ZEB1: variants seen among roughly 807,000 people sequenced by gnomAD.
ZEB1 encodes zinc finger E-box binding homeobox 1, also known as zinc finger E-box-binding homeobox 1.
Under a neutral mutation model 84.9 loss-of-function variants are expected in ZEB1, and 21 were observed. The observed-to-expected ratio is 0.25, with a 90% CI of 0.18 to 0.36. ZEB1 has a LOEUF of 0.36. Ranked by LOEUF, ZEB1 falls within the 10% of genes least tolerant of loss-of-function variation. The probability of loss-of-function intolerance (pLI) is 1.00; values close to 1 mark genes in which losing one functional copy is unlikely to be tolerated. For synonymous variants in ZEB1, 420 were observed against 471.1 expected (o/e 0.89, Z 1.41); for missense variants, 1,104 against 1,330.2 (o/e 0.83, Z 2.65).
intron 1 of ZEB1, among the ~76,000 whole-genome samples, chr10:31,423,160 A>T (rs907414877): frequency 1.3e-5 from 2 of 152,122 alleles, no homozygotes; most frequent in African/African-American, 4.8e-5. Flanking sequence ...GAAGTGCTTC[A>T]TATGGATACA....
Position 31,319,259 on chromosome 10 carries a change from C to T in ZEB1, c.25C>T (p.Arg9Cys). Residue 9 changes from arginine to cysteine, a missense_variant, in exon 1 of 9, where the codon CGC becomes TGC. Coordinates refer to ENST00000424869, the MANE Select transcript of ZEB1 (RefSeq NM_001174096.2). Reference sequence around the variant, plus strand: ...CATGGCGGATGGCCCCAGGTGTAAGCGCAGAAAGCAGGCGAACCCGCGGCG... The same window carrying T: ...CATGGCGGATGGCCCCAGGTGTAAGTGCAGAAAGCAGGCGAACCCGCGGCG... MADGPRCK[R>C]RKQANPRRNN... The T allele has an allele frequency of 6.2e-7, 1 of 1,610,116 alleles. No homozygotes were observed.
intron 1 of ZEB1, among the ~76,000 whole-genome samples, chr10:31,334,373 CAT>C (rs1211283980): frequency 6.6e-6 from 1 of 152,030 alleles, no homozygotes; most frequent in African/African-American, 2.4e-5. Flanking sequence ...TGGAAATTAA[CAT>C]GTTTATTTCA....
chr10:31,521,971 A>C, intron 7 of ZEB1, 35 bp downstream of exon 7: 1 of 1,613,718 alleles, frequency 6.2e-7, no homozygotes, highest in Non-Finnish European at 8.5e-7. Context: ...CCTGGCTAGT[A>C]ATATGCTATT....
At chr10:31,418,704 G>A (rs1181637321) in intron 1 of ZEB1, among the ~76,000 whole-genome samples, 1 of 151,992 alleles carries the variant, frequency 6.6e-6, no homozygotes, top group Non-Finnish European at 1.5e-5. Context: ...ACTAACTGGG[G>A]CTTTGTGTTC....
At chr10:31,515,198 A>G (rs537534032) in intron 6 of ZEB1, among the ~76,000 whole-genome samples, 8 of 152,186 alleles carry the variant, frequency 5.3e-5, no homozygotes, top group African/African-American at 1.9e-4. Flanking sequence ...GAGAATCTGA[A>G]AGAAAAATGT....
intron 1 of ZEB1, among the ~76,000 whole-genome samples, chr10:31,410,049 A>G (rs1179147059): frequency 6.6e-6 from 1 of 152,102 alleles, no homozygotes; most frequent in Non-Finnish European, 1.5e-5. Flanking sequence ...TACTATGTTG[A>G]ATAGGAGTGG....
intron 1 of ZEB1, among the ~76,000 whole-genome samples, chr10:31,320,940 A>G (rs2132902464): frequency 6.6e-6 from 1 of 152,324 alleles, no homozygotes; most frequent in African/African-American, 2.4e-5. Context: ...CCCAGGCTAT[A>G]TAAGGAATTA....
At chr10:31,335,935 TTGCTG>T (rs2037930667) in intron 1 of ZEB1, among the ~76,000 whole-genome samples, 2 of 152,338 alleles carry the variant, frequency 1.3e-5, no homozygotes, top group Admixed American at 6.5e-5. Context: ...TTCAGACTTT[TTGCTG>T]GCATAGAAAT....
chr10:31,336,375 CTATT>C (rs1486264939), intron 1 of ZEB1, among the ~76,000 whole-genome samples: 1 of 151,968 alleles, frequency 6.6e-6, no homozygotes, highest in Non-Finnish European at 1.5e-5. Context: ...CTGCCTCACA[CTATT>C]TAGAGAAACC....
chr10:31,431,083 T>G (rs1333074490), intron 1 of ZEB1, among the ~76,000 whole-genome samples: 16 of 152,182 alleles, frequency 1.1e-4, no homozygotes, highest in Admixed American at 1.0e-3. Flanking sequence ...AAGGAAAAAT[T>G]TTCTTCTGTT....
intron 1 of ZEB1, among the ~76,000 whole-genome samples, chr10:31,448,641 C>T (rs1453727013): frequency 5.3e-5 from 8 of 151,900 alleles, no homozygotes; most frequent in African/African-American, 4.8e-5. Flanking sequence ...AGACAGGACC[C>T]TCAGCTGCAG....
At chr10:31,357,214 A>T (rs2042259263) in intron 1 of ZEB1, among the ~76,000 whole-genome samples, 1 of 152,214 alleles carries the variant, frequency 6.6e-6, no homozygotes, top group Non-Finnish European at 1.5e-5. Flanking sequence ...TCAAAAAGAA[A>T]TTCACTGTCC....
chr10:31,395,630 CACAGGGGGAACCCTGA>C (rs1277434128), intron 1 of ZEB1, among the ~76,000 whole-genome samples: 1 of 152,124 alleles, frequency 6.6e-6, no homozygotes, highest in Non-Finnish European at 1.5e-5. Context: ...GGCAGGGTGC[CACAGGGGGAACCCTGA>C]ACATCAGAGA....
At chr10:31,322,309 GA>G (rs2034307398) in intron 1 of ZEB1, among the ~76,000 whole-genome samples, 1 of 152,202 alleles carries the variant, frequency 6.6e-6, no homozygotes, top group Non-Finnish European at 1.5e-5. Context: ...GTTTATTGGA[GA>G]AAATTGCCTG....
In ZEB1 at chr10:31,520,890, G is replaced by A. The variant is rs1230655535; in HGVS notation, c.1558G>A (p.Asp520Asn). The change falls in exon 7 of 9, where the codon GAC becomes AAC. Residue 520 changes from aspartate to asparagine, a missense_variant. Physicochemically the swap from Asp to Asn is conservative, Grantham distance 23. Around this residue, in one of 7 missense-constraint regions of ZEB1, gnomAD observed 531 missense variants for 575.2 expected, o/e 0.92. Transcript: ENST00000424869. This position sits in a 1 kb window ranked among gnomAD's most constrained non-coding sequence, Gnocchi z 5.1. ...AGATCTTACTGTTAAGTCTGAGAAG[G>A]ACAAAAGCTTTGAAGGGGGGGTGAA... ...PEDLTVKSEK[D>N]KSFEGGVNDS... The A allele has an allele frequency of 1.9e-6, 3 of 1,613,998 alleles. No individual in the cohort carries two copies. The highest frequency in any genetic ancestry group is 2.5e-6 in the Non-Finnish European group (3 of 1,180,012).
intron 1 of ZEB1, among the ~76,000 whole-genome samples, chr10:31,433,983 A>C (rs146488157): frequency 2.6e-5 from 4 of 152,354 alleles, no homozygotes; most frequent in Non-Finnish European, 5.9e-5. Context: ...AAGTTAAAGA[A>C]GACTCCATGA....
intron 4 of ZEB1, among the ~76,000 whole-genome samples, chr10:31,505,495 T>G (rs2068826269): frequency 6.6e-6 from 1 of 152,100 alleles, no homozygotes; most frequent in African/African-American, 2.4e-5. Context: ...TCTTTCTAAT[T>G]TAATCTTGGT....
At chr10:31,514,180 T>A (rs2139608761) in intron 5 of ZEB1, among the ~76,000 whole-genome samples, 1 of 152,266 alleles carries the variant, frequency 6.6e-6, no homozygotes, top group East Asian at 1.9e-4. Context: ...TTCTGTTGAG[T>A]GAGCTTTAGA....
intron 2 of ZEB1, among the ~76,000 whole-genome samples, chr10:31,477,349 A>G (rs1175088280): frequency 6.6e-6 from 1 of 151,982 alleles, no homozygotes; most frequent in African/African-American, 2.4e-5. Flanking sequence ...AAGAGGTGAA[A>G]GTTCTCTACA....
Sources: allele counts gnomAD v4.1 joint callset (sites outside exome capture counted in the v4.1 genomes callset), GRCh38; gene constraint gnomAD v4.1.1; regional missense constraint gnomAD v4.1.1; non-coding constraint Gnocchi (gnomAD v3.1); transcripts MANE v1.5; gene names NCBI Gene and HGNC (gene_info 2026-07-23, HGNC 2026-07-21).